MAP7: variants seen among roughly 807,000 people sequenced by gnomAD.
MAP7 encodes the protein microtubule associated protein 7, also known as ensconsin.
In MAP7, 52 loss-of-function variants were observed where a neutral mutation model predicts 94.8. The ratio of observed to expected loss-of-function variants is 0.55; its 90% CI spans 0.44 to 0.69. The LOEUF (loss-of-function observed/expected upper bound fraction) is 0.69. Ranked by LOEUF, MAP7 falls within the 30% of genes least tolerant of loss-of-function variation. The pLI is 0.00. For missense variants in MAP7, 940 were observed against 964.6 expected (o/e 0.97, Z 0.34); for synonymous variants, 350 against 357.0 (o/e 0.98, Z 0.22).
chr6:136,411,686 C>T lies in MAP7; in HGVS notation c.178G>A (p.Val60Met), dbSNP rs1181946395. ...CGCTGCCGGTCATCAACACGTAACA[C>T]AGGCGGAGGGTCTGAAAGCGAGATT... ...HSGNKPDPPP[V>M]LRVDDRQRLA... The change falls in exon 3 of 18, where the codon GTG becomes ATG. Residue 60 changes from valine to methionine, a missense_variant. By Grantham distance (21) the Val-to-Met change is conservative. Transcript: ENST00000354570. 1.3e-6 allele frequency: 2 copies of T among 1,564,920 alleles called. No individual in the cohort carries two copies. The highest frequency in any genetic ancestry group is 3.7e-5 in the Admixed American group (2 of 53,658).
intron 1 of MAP7, among the ~76,000 whole-genome samples, chr6:136,523,245 T>C (rs1307822755): frequency 1.3e-5 from 2 of 152,186 alleles, no homozygotes; most frequent in African/African-American, 4.8e-5. Flanking sequence ...GATGTTCTCT[T>C]AATAACCACA....
chr6:136,444,865 T>C (rs1318750483), intron 1 of MAP7, among the ~76,000 whole-genome samples: 3 of 152,210 alleles, frequency 2.0e-5, no homozygotes, highest in Non-Finnish European at 4.4e-5. Flanking sequence ...ACTTGAAGCT[T>C]CAATTCTGGG....
chr6:136,514,710 G>A (rs1268488043), intron 1 of MAP7, among the ~76,000 whole-genome samples: 1 of 152,080 alleles, frequency 6.6e-6, no homozygotes, highest in African/African-American at 2.4e-5. Context: ...TGAGCAGTGG[G>A]TCTCAATAGC....
intron 1 of MAP7, among the ~76,000 whole-genome samples, chr6:136,468,192 CT>C (rs1032215324): frequency 2.6e-5 from 4 of 151,728 alleles, no homozygotes; most frequent in Non-Finnish European, 4.4e-5. Context: ...GTACTACTGA[CT>C]TTTTTTTTCT....
intron 1 of MAP7, among the ~76,000 whole-genome samples, chr6:136,458,724 G>T (rs906841701): frequency 6.6e-6 from 1 of 151,928 alleles, no homozygotes; most frequent in Non-Finnish European, 1.5e-5. Context: ...CATGCTTAAG[G>T]AAGAAATTAG....
chr6:136,471,348 G>A (rs1255935360), intron 1 of MAP7, among the ~76,000 whole-genome samples: 3 of 151,976 alleles, frequency 2.0e-5, no homozygotes, highest in African/African-American at 7.2e-5. Flanking sequence ...CTTCTTAATC[G>A]TAGTTCTTTA....
intron 2 of MAP7, among the ~76,000 whole-genome samples, chr6:136,413,417 G>A (rs1788135076): frequency 6.6e-6 from 1 of 151,758 alleles, no homozygotes; most frequent in Non-Finnish European, 1.5e-5. Flanking sequence ...AGCTACTCAG[G>A]AAGCTGGGGC....
chr6:136,506,929 A>G (rs1821695888), intron 1 of MAP7, among the ~76,000 whole-genome samples: 1 of 152,214 alleles, frequency 6.6e-6, no homozygotes, highest in African/African-American at 2.4e-5. Context: ...GGCAAACACC[A>G]AGCTGTAACC....
At chr6:136,478,439 C>CAA (rs758710096) in intron 1 of MAP7, among the ~76,000 whole-genome samples, 2,995 of 151,480 alleles carry the variant, frequency 0.02, 103 homozygotes, top group East Asian at 0.13. Context: ...AAAACAAAAA[C>CAA]AAACAAAAAA....
At chr6:136,488,121 T>C (rs1468126205) in intron 1 of MAP7, among the ~76,000 whole-genome samples, 1 of 152,212 alleles carries the variant, frequency 6.6e-6, no homozygotes, top group Non-Finnish European at 1.5e-5. Context: ...TTAAGTAGTT[T>C]CTAGATAATA....
chr6:136,344,245 G>T lies in MAP7; in HGVS notation c.2240-7C>A. The T allele has an allele frequency of 1.5e-6, 2 of 1,315,918 alleles. No homozygotes were observed. The highest frequency in any genetic ancestry group is 2.0e-6 in the Non-Finnish European group (2 of 985,344). The allele number at this position is 1,315,918 out of a possible 1,614,324, so 81.5% of individuals were successfully genotyped here. A position where few individuals can be genotyped will look rare whatever the true frequency, so the allele number is the denominator to read the frequency against. The stretch of plus-strand genomic sequence containing the variant: ...AGAAACACTCATATAACTTCTACAT[G>T]AAGAGACAGAAAAAGAACAAGATTA... On this transcript the variant is annotated splice_region_variant and splice_polypyrimidine_tract_variant and intron_variant, in intron 17 of 17. Transcript: ENST00000354570.
chr6:136,503,026 C>G (rs965637943), intron 1 of MAP7, among the ~76,000 whole-genome samples: 3 of 152,128 alleles, frequency 2.0e-5, no homozygotes, highest in Non-Finnish European at 4.4e-5. Flanking sequence ...AACTCCCTAC[C>G]TTTTAATTAT....
chr6:136,547,067 A>G (rs1473297923), intron 1 of MAP7, among the ~76,000 whole-genome samples: 1 of 152,220 alleles, frequency 6.6e-6, no homozygotes, highest in African/African-American at 2.4e-5. Context: ...GCTTAATACC[A>G]AATTGACGTC....
At chr6:136,411,526 G>T in intron 3 of MAP7, 94 bp downstream of exon 3, 4 of 1,025,222 alleles carry the variant, frequency 3.9e-6, no homozygotes, top group Non-Finnish European at 5.8e-6. Context: ...CTGCCTCATA[G>T]TCCATCTGTA....
chr6:136,386,182 T>C (rs1779145897), intron 5 of MAP7, among the ~76,000 whole-genome samples: 1 of 152,210 alleles, frequency 6.6e-6, no homozygotes, highest in Non-Finnish European at 1.5e-5. Context: ...CAAACCATGA[T>C]AGAGTACCCA....
At chr6:136,480,641 C>CAAAAAAAAAAAAAAAAA (rs769951186) in intron 1 of MAP7, among the ~76,000 whole-genome samples, 1 of 20,148 alleles carries the variant, frequency 5.0e-5, no homozygotes, top group Admixed American at 6.1e-4. Context: ...GACTCTGCCT[C>CAAAAAAAAAAAAAAAAA]AAAAAAAAAA....
At chr6:136,416,878 A>T (rs963947494) in intron 2 of MAP7, among the ~76,000 whole-genome samples, 5 of 152,116 alleles carry the variant, frequency 3.3e-5, no homozygotes, top group Admixed American at 1.3e-4. Context: ...TTGGGAGGCC[A>T]AGGCAGGAGG....
At chr6:136,477,068 T>C (rs1192785822) in intron 1 of MAP7, among the ~76,000 whole-genome samples, 1 of 152,184 alleles carries the variant, frequency 6.6e-6, no homozygotes, top group Non-Finnish European at 1.5e-5. Context: ...GGTTTCAAAA[T>C]AATTCCTCAT....
intron 3 of MAP7, among the ~76,000 whole-genome samples, chr6:136,401,329 G>T (rs1360800107): frequency 6.6e-6 from 1 of 152,166 alleles, no homozygotes; most frequent in East Asian, 1.9e-4. Context: ...TCCATCCTGG[G>T]TGACATGTTT....
Sources: gnomAD v4.1 joint callset for allele counts (sites outside exome capture counted in the v4.1 genomes callset) on GRCh38, gnomAD v4.1.1 for gene constraint, MANE v1.5 for transcripts, NCBI Gene and HGNC (gene_info 2026-07-23, HGNC 2026-07-21) for gene names.